Variants in LAMC1 observed in about 807,000 individuals in gnomAD.
LAMC1 encodes laminin subunit gamma 1.
Under a neutral mutation model 173.6 loss-of-function variants are expected in LAMC1, and 38 were observed. The ratio of observed to expected loss-of-function variants is 0.22; its 90% CI spans 0.17 to 0.29. The LOEUF (loss-of-function observed/expected upper bound fraction) is 0.29, where lower values mean the gene tolerates loss of function less well. Ranked by LOEUF, LAMC1 falls within the 10% of genes least tolerant of loss-of-function variation. LAMC1 has a pLI of 1.00. For missense variants in LAMC1, 1,824 were observed against 2,051.8 expected, an observed-to-expected ratio of 0.89 and a Z score of 2.14; for synonymous variants, 746 against 749.1, an observed-to-expected ratio of 1.00 and a Z score of 0.07.
chr1:183,034,627 G>A (rs1207865797), intron 1 of LAMC1, among the ~76,000 whole-genome samples: 1 of 152,192 alleles, frequency 6.6e-6, no homozygotes, highest in Non-Finnish European at 1.5e-5. Flanking sequence ...TGAAGAGTAG[G>A]GATTGAAGTC....
rs1217946396 is a variant in LAMC1 at position 183,143,795 on chromosome 1, A to G, written c.*1005A>G. ...TTTCTAGCAAAGGGATAAAACTTAG[A>G]TGGCAGCTTGTACTGTCAGAATCCC... On this transcript the variant is annotated 3_prime_UTR_variant, in exon 28 of 28. Coordinates refer to ENST00000258341, the MANE Select transcript of LAMC1 (RefSeq NM_002293.4). The G allele has an allele frequency of 6.6e-6, 1 of 152,190 alleles. No homozygotes were observed. The highest frequency in any genetic ancestry group is 1.5e-5 in the Non-Finnish European group (1 of 68,030). 9.4% of individuals were successfully genotyped at this position (152,190 alleles called of 1,614,324 possible). A position where few individuals can be genotyped will look rare whatever the true frequency, so the allele number is the denominator to read the frequency against.
At chr1:183,103,179 G>T in intron 1 of LAMC1, 149 bp from the exon 2 acceptor site, 1 of 813,116 alleles carries the variant, frequency 1.2e-6, no homozygotes. Context: ...AAAATACGTA[G>T]TTTTCTGTTT....
intron 1 of LAMC1, among the ~76,000 whole-genome samples, chr1:183,081,549 AAAATAAAT>A (rs71127333): frequency 0.18 from 25,504 of 139,356 alleles, 2,481 homozygotes; most frequent in Admixed American, 0.24. Context: ...CTCCGCCTCA[AAAATAAAT>A]AAATAAATAA....
At chr1:183,084,956 C>G (rs960573117) in intron 1 of LAMC1, among the ~76,000 whole-genome samples, 7 of 152,098 alleles carry the variant, frequency 4.6e-5, no homozygotes, top group African/African-American at 1.7e-4. Flanking sequence ...TAAATTTGGC[C>G]GGGCATGGTG....
chr1:183,128,859 A>T lies in LAMC1; in HGVS notation c.3280+109A>T, dbSNP rs935474525. On this transcript the variant is annotated intron_variant, in intron 18 of 27. Transcript: ENST00000258341. Reference sequence around the variant, plus strand: ...TATAAAATTCTTTCTCAGTTTTTAAACTACTCATAGATTATAAATCATTTC... The same window carrying T: ...TATAAAATTCTTTCTCAGTTTTTAATCTACTCATAGATTATAAATCATTTC... 17 of 838,162 alleles carry T rather than the reference A, an allele frequency of 2.0e-5. 1 individual carries two copies. In the South Asian group the frequency reaches 6.6e-4, roughly 33 times the overall value. The allele number at this position is 838,162 out of a possible 1,614,324, so 51.9% of individuals were successfully genotyped here.
rs552505853 is a variant in LAMC1 at position 183,077,216 on chromosome 1, G to A, written c.419-26112G>A. On this transcript the variant is annotated intron_variant, in intron 1 of 27. Coordinates refer to ENST00000258341, the MANE Select transcript of LAMC1 (RefSeq NM_002293.4). Reference sequence around the variant, plus strand: ...GATGCTTGGTGAAAGTCTTAGGGAAGTGATTCCTTTGAAGTACCTAGGAGA... The same window carrying A: ...GATGCTTGGTGAAAGTCTTAGGGAAATGATTCCTTTGAAGTACCTAGGAGA... Among the ~76,000 whole-genome samples the A allele has an allele frequency of 2.6e-5, 4 of 152,268 alleles. No homozygotes were observed. In the South Asian group the frequency reaches 6.2e-4, roughly 24 times the overall value.
Position 183,135,050 on chromosome 1 carries a change from C to G in LAMC1, c.4008C>G (p.Asp1336Glu). The change falls in exon 24 of 28, where the codon GAC becomes GAG. Residue 1336 changes from aspartate to glutamate, a missense_variant. Asp to Glu is a conservative substitution (Grantham distance 45). Coordinates refer to ENST00000258341, the MANE Select transcript of LAMC1 (RefSeq NM_002293.4). ...CTGCCATGTGTTTGCAGACCGCAGA[C>G]CAACTCCTAGCCCGAGCTGATGCTG... ...EKGKTEQQTA[D>E]QLLARADAAK... 1 of 1,613,674 alleles carries G rather than the reference C, an allele frequency of 6.2e-7. No individual in the cohort carries two copies. The highest frequency in any genetic ancestry group is 1.1e-5 in the South Asian group (1 of 91,060).
In LAMC1 at chr1:183,116,760, T is replaced by C. The variant is rs1656335130; in HGVS notation, c.1428-7T>C. On this transcript the variant is annotated splice_polypyrimidine_tract_variant and splice_region_variant and intron_variant, in intron 7 of 27. Coordinates refer to ENST00000258341, the MANE Select transcript of LAMC1 (RefSeq NM_002293.4). ...AAAGTAACTGATTGTGTCTTAATCTTTTTCAGATGCAAACCTGGATTTTTT... is the reference window on the plus strand; with the variant it reads ...AAAGTAACTGATTGTGTCTTAATCTCTTTCAGATGCAAACCTGGATTTTTT... The C allele has an allele frequency of 6.8e-6, 11 of 1,613,758 alleles. No homozygotes were observed. Among genetic ancestry groups the C allele is most frequent in the African/African-American group, 1.3e-5 (1 of 74,932 alleles).
At chr1:183,132,186 A>C (rs1045494964) in intron 20 of LAMC1, among the ~76,000 whole-genome samples, 8 of 152,194 alleles carry the variant, frequency 5.3e-5, no homozygotes, top group African/African-American at 1.7e-4. Context: ...CCAGCTACTC[A>C]GGAGACTGAG....
At chr1:183,051,591 C>G (rs1654429522) in intron 1 of LAMC1, among the ~76,000 whole-genome samples, 1 of 152,214 alleles carries the variant, frequency 6.6e-6, no homozygotes, top group Admixed American at 6.5e-5. Context: ...CAGTAGATAA[C>G]TGGAACACTT....
rs913909589 is a variant in LAMC1, at chr1:183,136,524, A to C, written c.4253A>C (p.Asp1418Ala). ...AQQALGSAAA[D>A]ATEAKNKAHE... is the part of the protein sequence containing the mutation. ...CAGGCCCTGGGCAGTGCTGCGGCGG[A>C]TGCCACAGAGGCCAAGAACAAGGCC... Residue 1418 changes from aspartate to alanine, a missense_variant, in exon 25 of 28, where the codon GAT becomes GCT. By Grantham distance (126) the Asp-to-Ala change is moderately radical (BLOSUM62 -2). Coordinates refer to ENST00000258341, the MANE Select transcript of LAMC1 (RefSeq NM_002293.4). 1 of 1,614,030 alleles carries C rather than the reference A, an allele frequency of 6.2e-7. No individual in the cohort carries two copies. The highest frequency in any genetic ancestry group is 1.7e-5 in the Admixed American group (1 of 59,986).
At chr1:183,047,001 GTTTC>G (rs1209010705) in intron 1 of LAMC1, among the ~76,000 whole-genome samples, 1 of 152,068 alleles carries the variant, frequency 6.6e-6, no homozygotes, top group Non-Finnish European at 1.5e-5. Context: ...GATACTAACA[GTTTC>G]TTTCAGCTTA....
At chr1:183,034,482 A>G (rs1326383014) in intron 1 of LAMC1, among the ~76,000 whole-genome samples, 1 of 152,190 alleles carries the variant, frequency 6.6e-6, no homozygotes, top group Non-Finnish European at 1.5e-5. Context: ...CATGTTGATC[A>G]GGCTTGTCTC....
At chr1:183,042,450 T>C (rs968046979) in intron 1 of LAMC1, among the ~76,000 whole-genome samples, 6 of 152,084 alleles carry the variant, frequency 3.9e-5, no homozygotes, top group African/African-American at 7.2e-5. Context: ...TCTAGCTGGG[T>C]GGTCTTGTGC....
chr1:183,050,505 A>T (rs61804969), intron 1 of LAMC1, among the ~76,000 whole-genome samples: 72,366 of 144,514 alleles, frequency 0.5, 18,653 homozygotes, highest in South Asian at 0.64. Context: ...GATGGTCTCG[A>T]TCTCCTGACC....
In LAMC1 at chr1:183,143,836, C is replaced by G. The variant is rs1657183626; in HGVS notation, c.*1046C>G. On this transcript the variant is annotated 3_prime_UTR_variant, in exon 28 of 28. Coordinates refer to ENST00000258341, the MANE Select transcript of LAMC1 (RefSeq NM_002293.4). ...TCAGAATCCCGTGTATCCATTTGTT[C>G]TTCTGTTGGAGAGATGAGACATTTG... is the stretch of plus-strand genomic sequence containing the variant. The G allele has an allele frequency of 6.6e-6, 1 of 152,148 alleles. No individual in the cohort carries two copies. Among genetic ancestry groups the G allele is most frequent in the South Asian group, 2.1e-4 (1 of 4,824 alleles). The allele number at this position is 152,148 out of a possible 1,614,324, so 9.4% of individuals were successfully genotyped here.
chr1:183,081,468 C>G (rs1655273773), intron 1 of LAMC1, among the ~76,000 whole-genome samples: 1 of 151,564 alleles, frequency 6.6e-6, no homozygotes, highest in African/African-American at 2.4e-5. Context: ...CATGGTGGCA[C>G]ACACCTATGG....
chr1:183,128,724 T>A lies in LAMC1; in HGVS notation c.3254T>A (p.Leu1085His). 6.2e-7 allele frequency: 1 copy of A among 1,613,396 alleles called. No homozygotes were observed. The highest frequency in any genetic ancestry group is 8.5e-7 in the Non-Finnish European group (1 of 1,179,508). The change falls in exon 18 of 28, where the codon CTC (leucine) becomes CAC (histidine). Residue 1085 changes from leucine (L) to histidine (H), a missense_variant. Physicochemically the swap from Leu to His is moderately conservative, Grantham distance 99 (BLOSUM62 -3). Coordinates refer to ENST00000258341, the MANE Select transcript of LAMC1 (RefSeq NM_002293.4). ...GAAGCAGAGAGGGAAGTTATGGACC[T>A]CCTTCGTGAGGCCCAGGATGTCAAA... Reference protein sequence around the residue: ...LKEAEREVMDLLREAQDVKDV... With the variant: ...LKEAEREVMDHLREAQDVKDV...
chr1:183,114,399 C>G, intron 4 of LAMC1, 132 bp from the exon 5 acceptor site: 1 of 902,784 alleles, frequency 1.1e-6, no homozygotes, highest in African/African-American at 1.7e-5. Flanking sequence ...AACAGTGCAT[C>G]TGGTAATCAT....
Sources: allele counts gnomAD v4.1 joint callset (sites outside exome capture counted in the v4.1 genomes callset), GRCh38; gene constraint gnomAD v4.1.1; transcripts MANE v1.5; gene names NCBI Gene and HGNC (gene_info 2026-07-23, HGNC 2026-07-21).